Variants in GINS4 observed in about 807,000 individuals in gnomAD.
The protein encoded by GINS4 is GINS complex subunit 4.
GINS4 carries 20 observed loss-of-function variants against 31.1 expected under a neutral mutation model. The ratio of observed to expected loss-of-function variants is 0.64; its 90% CI spans 0.45 to 0.93. GINS4 has a LOEUF of 0.93. Among genes scored for constraint, GINS4 ranks in the 40% least tolerant of loss-of-function variants. The probability of loss-of-function intolerance (pLI) is 0.00; values close to 1 mark genes in which losing one functional copy is unlikely to be tolerated. For synonymous variants in GINS4, 85 were observed against 97.9 expected, an observed-to-expected ratio of 0.87 and a Z score of 0.78; for missense variants, 245 against 273.9, an observed-to-expected ratio of 0.89 and a Z score of 0.75.
At position 41,541,872 on chromosome 8, in the gene GINS4, T is replaced by C. The variant is rs1806847196; in HGVS notation, c.548T>C (p.Leu183Pro). The change falls in exon 7 of 8, where the codon CTG (leucine) becomes CCG (proline). Residue 183 changes from leucine (L) to proline (P), a missense_variant. Leu to Pro is a moderately conservative substitution (Grantham distance 98). Transcript: ENST00000276533. ...GTGAGAGAACGACAAGAAAACATAC[T>C]GGTAGAACCAGACACAGATGAGCAG... ...LRVRERQENI[L>P]VEPDTDEQRD... The C allele has an allele frequency of 6.2e-7, 1 of 1,614,064 alleles. No individual in the cohort carries two copies. Among genetic ancestry groups the C allele is most frequent in the Admixed American group, 1.7e-5 (1 of 60,008 alleles).
In GINS4 at chr8:41,542,285, G is replaced by A. The variant is rs533846128; in HGVS notation, c.*198G>A. The stretch of plus-strand genomic sequence containing the variant: ...TGTAATCCCAGCTACTCAGGAGGCC[G>A]GGGCAGGAGAATCGCTTGAACCTGG... On this transcript the variant is annotated 3_prime_UTR_variant, in exon 8 of 8. Transcript: ENST00000276533. 30 of 583,044 alleles carry A rather than the reference G, an allele frequency of 5.1e-5. No homozygotes were observed. Among genetic ancestry groups the A allele is most frequent in the African/African-American group, 1.3e-4 (7 of 53,676 alleles). 36.1% of individuals were successfully genotyped at this position (583,044 alleles called of 1,614,324 possible). A position where few individuals can be genotyped will look rare whatever the true frequency, so the allele number is the denominator to read the frequency against.
At chr8:41,540,125 G>A (rs926534195) in intron 6 of GINS4, 121 bp downstream of exon 6, 1 of 746,888 alleles carries the variant, frequency 1.3e-6, no homozygotes, top group Non-Finnish European at 2.3e-6. Context: ...ACAGAAAGAA[G>A]AGCAAGGATT....
chr8:41,531,047 G>A (rs755800842), intron 2 of GINS4, among the ~76,000 whole-genome samples: 2 of 152,168 alleles, frequency 1.3e-5, no homozygotes, highest in Non-Finnish European at 2.9e-5. Context: ...TGAGGTGGGC[G>A]GATCACCTGA....
chr8:41,540,667 T>C (rs1425674564), intron 6 of GINS4, among the ~76,000 whole-genome samples: 1 of 152,212 alleles, frequency 6.6e-6, no homozygotes, highest in Admixed American at 6.5e-5. Context: ...ATAAAGCCCA[T>C]GTTCCTCAGT....
Position 41,530,376 on chromosome 8 carries a change from G to A in GINS4, c.96+78G>A, listed in dbSNP as rs148882770. The stretch of plus-strand genomic sequence containing the variant: ...CAACTGTGAATATCAGGGATCACAA[G>A]ATGAGGAAACGGAATTTGGGGCTTA... On this transcript the variant is annotated intron_variant, in intron 2 of 7. Transcript: ENST00000276533. The A allele has an allele frequency of 1.5e-4, 161 of 1,046,084 alleles. No individual in the cohort carries two copies. The African/African-American group carries it at 2.2e-3, about 14-fold the overall frequency. The allele number at this position is 1,046,084 out of a possible 1,614,324, so 64.8% of individuals were successfully genotyped here. A position where few individuals can be genotyped will look rare whatever the true frequency, so the allele number is the denominator to read the frequency against.
Position 41,544,818 on chromosome 8 carries a change from C to G in GINS4, c.*2731C>G, listed in dbSNP as rs1231890139. The G allele has an allele frequency of 6.6e-6, 1 of 152,048 alleles. No individual in the cohort carries two copies. Among genetic ancestry groups the G allele is most frequent in the African/African-American group, 2.4e-5 (1 of 41,402 alleles). The allele number at this position is 152,048 out of a possible 1,614,324, so 9.4% of individuals were successfully genotyped here. On this transcript the variant is annotated 3_prime_UTR_variant, in exon 8 of 8. Transcript: ENST00000276533. Reference sequence around the variant, plus strand: ...AGGATCCTGCCTTTCTAAGGAGCTCCCATGTTGTGCAGTTGCTGCTGGCCC... The same window carrying G: ...AGGATCCTGCCTTTCTAAGGAGCTCGCATGTTGTGCAGTTGCTGCTGGCCC...
chr8:41,534,041 G>C (rs1321681066), intron 2 of GINS4: 3 of 161,416 alleles, frequency 1.9e-5, no homozygotes, highest in Non-Finnish European at 2.7e-5. Context: ...GGTCCTGGAA[G>C]TTAGGTAGAT....
At chr8:41,536,966 G>A in intron 3 of GINS4, 1 of 517,076 alleles carries the variant, frequency 1.9e-6, no homozygotes, top group Non-Finnish European at 3.5e-6. Flanking sequence ...TCAGATTGGA[G>A]TTCTTTTGGA....
intron 2 of GINS4, among the ~76,000 whole-genome samples, chr8:41,532,394 G>A (rs896203405): frequency 1.3e-5 from 2 of 151,000 alleles, no homozygotes; most frequent in African/African-American, 4.8e-5. Context: ...ATAAAGTATG[G>A]CAAGAATGTA....
chr8:41,531,605 T>A (rs1806648789), intron 2 of GINS4, among the ~76,000 whole-genome samples: 1 of 152,214 alleles, frequency 6.6e-6, no homozygotes, highest in South Asian at 2.1e-4. Flanking sequence ...TGTTTTTATA[T>A]CACAGACCTT....
Position 41,536,347 on chromosome 8 carries a change from A to G in GINS4, c.97-13A>G, listed in dbSNP as rs751251242. 10 of 1,568,172 alleles carry G rather than the reference A, an allele frequency of 6.4e-6. No individual in the cohort carries two copies. The highest frequency in any genetic ancestry group is 1.3e-5 in the African/African-American group (1 of 74,116). ...GTGGGTGATGCTTGCTTTTTCTGGC[A>G]TTTGTCTTTTAGGCCTGGATGAATG... On this transcript the variant is annotated splice_polypyrimidine_tract_variant and intron_variant, in intron 2 of 7. Transcript: ENST00000276533.
intron 6 of GINS4, among the ~76,000 whole-genome samples, chr8:41,540,730 C>G (rs1035555848): frequency 3.5e-4 from 53 of 152,210 alleles, no homozygotes; most frequent in African/African-American, 1.3e-3. Flanking sequence ...AATTGCCATA[C>G]CAAATCAAAC....
chr8:41,536,951 TAC>T (rs1245600921), intron 3 of GINS4: 1 of 500,868 alleles, frequency 2.0e-6, no homozygotes, highest in Non-Finnish European at 3.6e-6. Flanking sequence ...CTATCTCCCT[TAC>T]AATCAGATTG....
chr8:41,538,940 A>G (rs1806787152), intron 4 of GINS4, among the ~76,000 whole-genome samples: 1 of 151,552 alleles, frequency 6.6e-6, no homozygotes. Context: ...CAGGTGATCC[A>G]CACCCACCTT....
intron 2 of GINS4, among the ~76,000 whole-genome samples, chr8:41,531,149 G>A (rs1482239044): frequency 6.6e-6 from 1 of 152,230 alleles, no homozygotes; most frequent in Non-Finnish European, 1.5e-5. Context: ...GCGCATGCCT[G>A]TAATCCCAGC....
chr8:41,542,311 G>A lies in GINS4; in HGVS notation c.*224G>A, dbSNP rs1422858149. ...GGGCAGGAGAATCGCTTGAACCTGG[G>A]AGCAGGAGGTTGCAGTGAGCCGAGG... On this transcript the variant is annotated 3_prime_UTR_variant, in exon 8 of 8. Coordinates refer to ENST00000276533, the MANE Select transcript of GINS4 (RefSeq NM_032336.3). 1 of 545,220 alleles carries A rather than the reference G, an allele frequency of 1.8e-6. No individual in the cohort carries two copies. The highest frequency in any genetic ancestry group is 3.3e-6 in the Non-Finnish European group (1 of 301,454). 33.8% of individuals were successfully genotyped at this position (545,220 alleles called of 1,614,324 possible). A position where few individuals can be genotyped will look rare whatever the true frequency, so the allele number is the denominator to read the frequency against.
rs1806897337 is a variant in GINS4, at chr8:41,544,396, CT to C, written c.*2311del. On this transcript the variant is annotated 3_prime_UTR_variant, in exon 8 of 8. Coordinates refer to ENST00000276533, the MANE Select transcript of GINS4 (RefSeq NM_032336.3). Reference sequence around the variant, plus strand: ...CCTGAGATCAGAACCCAAGTCTGCACTTCCTAGTCACGTTCTCCCTGTAGTG... The same window carrying C: ...CCTGAGATCAGAACCCAAGTCTGCACTCCTAGTCACGTTCTCCCTGTAGTG... The C allele has an allele frequency of 6.6e-6, 1 of 152,264 alleles. No homozygotes were observed. The highest frequency in any genetic ancestry group is 2.1e-4 in the South Asian group (1 of 4,832). The allele number at this position is 152,264 out of a possible 1,614,324, so 9.4% of individuals were successfully genotyped here. A position where few individuals can be genotyped will look rare whatever the true frequency, so the allele number is the denominator to read the frequency against.
rs991672158 is a variant in GINS4, at chr8:41,530,126, G to C, written c.-19-58G>C. ...CTTTCCTTTCTCCAGATAGATGTCT[G>C]TTCTTGCAGATAATTAGAAAACGCA... On this transcript the variant is annotated intron_variant, in intron 1 of 7. Transcript: ENST00000276533. The C allele has an allele frequency of 3.3e-5, 37 of 1,111,650 alleles. No individual in the cohort carries two copies. The East Asian group carries it at 8.6e-4, about 26-fold the overall frequency. 68.9% of individuals were successfully genotyped at this position (1,111,650 alleles called of 1,614,324 possible). A position where few individuals can be genotyped will look rare whatever the true frequency, so the allele number is the denominator to read the frequency against.
At chr8:41,537,096 G>A (rs1563254502) in intron 3 of GINS4, 84 bp from the exon 4 acceptor site, 1 of 801,298 alleles carries the variant, frequency 1.2e-6, no homozygotes, top group Non-Finnish European at 2.1e-6. Context: ...TCCTTGGACT[G>A]AAACATAGTC....
Sources: gnomAD v4.1 joint callset for allele counts (sites outside exome capture counted in the v4.1 genomes callset) on GRCh38, gnomAD v4.1.1 for gene constraint, MANE v1.5 for transcripts, NCBI Gene and HGNC (gene_info 2026-07-23, HGNC 2026-07-21) for gene names.